The following HSF2BP variants were observed in gnomAD, a reference collection of about 807,000 sequenced individuals.
The protein encoded by HSF2BP is heat shock transcription factor 2 binding protein, also known as heat shock factor 2-binding protein.
A neutral mutation model predicts 35.0 loss-of-function variants in HSF2BP; 35 were observed. The observed-to-expected ratio is 1.00, with a 90% CI of 0.76 to 1.32. The LOEUF is 1.32. Ranked by LOEUF, HSF2BP falls within the 40% of genes most tolerant of loss-of-function variation. The pLI is 0.00. For synonymous variants in HSF2BP, 114 were observed against 117.4 expected, an observed-to-expected ratio of 0.97 and a Z score of 0.18; for missense variants, 326 against 321.7, an observed-to-expected ratio of 1.01 and a Z score of -0.10.
At chr21:43,581,113 G>T (rs1433007137) in intron 8 of HSF2BP, among the ~76,000 whole-genome samples, 3 of 152,214 alleles carry the variant, frequency 2.0e-5, no homozygotes, top group African/African-American at 7.2e-5. Context: ...GCAGCCGGAC[G>T]CAGTGGTTCA....
intron 3 of HSF2BP, among the ~76,000 whole-genome samples, chr21:43,645,412 G>A (rs1265967270): frequency 6.6e-6 from 1 of 152,122 alleles, no homozygotes; most frequent in Non-Finnish European, 1.5e-5. Context: ...ACTTCTGGGC[G>A]ATAACCTGGT....
At chr21:43,607,892 A>G (rs1309930922) in intron 7 of HSF2BP, among the ~76,000 whole-genome samples, 2 of 152,252 alleles carry the variant, frequency 1.3e-5, no homozygotes, top group Non-Finnish European at 1.5e-5. Flanking sequence ...ATAGCTAACC[A>G]TATGTAAACG....
intron 7 of HSF2BP, among the ~76,000 whole-genome samples, chr21:43,595,347 G>C (rs930249898): frequency 6.6e-6 from 1 of 152,120 alleles, no homozygotes; most frequent in Non-Finnish European, 1.5e-5. Context: ...AGAGAAGGCT[G>C]AGGTAGCTAC....
intron 6 of HSF2BP, among the ~76,000 whole-genome samples, chr21:43,626,826 C>T (rs138356986): frequency 1.3e-5 from 2 of 152,108 alleles, no homozygotes; most frequent in African/African-American, 4.8e-5. Flanking sequence ...CAAAGAGCCT[C>T]AATACTCACT....
chr21:43,607,802 A>T (rs997475100), intron 7 of HSF2BP, among the ~76,000 whole-genome samples: 3 of 152,224 alleles, frequency 2.0e-5, no homozygotes, highest in African/African-American at 7.2e-5. Flanking sequence ...GCACACATAC[A>T]GCCAATTGAC....
At chr21:43,657,666 G>A (rs1019883168) in intron 2 of HSF2BP, among the ~76,000 whole-genome samples, 1 of 152,252 alleles carries the variant, frequency 6.6e-6, no homozygotes. Context: ...ATCAGTTACA[G>A]TTATAAAATC....
At chr21:43,496,029 A>G in the HSF2BP span, among the ~76,000 whole-genome samples, 1 of 131,980 alleles carries the variant, frequency 7.6e-6, no homozygotes, top group African/African-American at 2.8e-5. Context: ...ACACACACAC[A>G]CACACACACA....
intron 8 of HSF2BP, among the ~76,000 whole-genome samples, chr21:43,581,839 C>G (rs1182805943): frequency 6.6e-6 from 1 of 150,876 alleles, no homozygotes; most frequent in Non-Finnish European, 1.5e-5. Flanking sequence ...TGAGGGCCTG[C>G]TGAGGGAGAT....
chr21:43,632,419 C>CCA (rs1343430237), intron 5 of HSF2BP, among the ~76,000 whole-genome samples: 6 of 137,104 alleles, frequency 4.4e-5, no homozygotes, highest in Non-Finnish European at 6.3e-5. Flanking sequence ...ACACATGCTC[C>CCA]CACACACACA....
intron 8 of HSF2BP, among the ~76,000 whole-genome samples, chr21:43,583,044 A>T (rs2081779951): frequency 5.9e-5 from 1 of 17,034 alleles, no homozygotes; most frequent in Non-Finnish European, 9.1e-5. Context: ...GAGGGAGATG[A>T]GGACCTGCTG....
At chr21:43,644,168 A>G in intron 4 of HSF2BP, 121 bp downstream of exon 4, 1 of 668,970 alleles carries the variant, frequency 1.5e-6, no homozygotes, top group South Asian at 1.9e-5. Context: ...ACATACATTT[A>G]CAAATACAAT....
intron 7 of HSF2BP, among the ~76,000 whole-genome samples, chr21:43,605,075 G>A (rs1471928198): frequency 8.6e-6 from 1 of 116,410 alleles, no homozygotes; most frequent in African/African-American, 3.4e-5. Context: ...CACATCACAC[G>A]TACCACATAA....
Position 43,595,726 on chromosome 21 carries a change from A to ATTTTTTTTTTTTTTTTTTTTT in HSF2BP, c.693-3419_693-3399dup, listed in dbSNP as rs770855952. Among the ~76,000 whole-genome samples, 15 of 58,448 alleles carry ATTTTTTTTTTTTTTTTTTTTT rather than the reference A, an allele frequency of 2.6e-4. 4 individuals carry two copies. Among genetic ancestry groups the ATTTTTTTTTTTTTTTTTTTTT allele is most frequent in the Non-Finnish European group, 3.1e-4 (10 of 32,408 alleles). 38.3% of individuals were successfully genotyped at this position (58,448 alleles called of 152,430 possible). On this transcript the variant is annotated intron_variant, in intron 7 of 8. Transcript: ENST00000291560. Reference sequence around the variant, plus strand: ...AGCATCTTTAAAAATTAAGAGGCTAATTTTTTTTTTTTTTTTTTTTTTTTT... The same window carrying ATTTTTTTTTTTTTTTTTTTTT: ...AGCATCTTTAAAAATTAAGAGGCTAATTTTTTTTTTTTTTTTTTTTTTTTTTTTTTTTTTTTTTTTTTTTTT...
chr21:43,589,308 C>T (rs1350972922), intron 8 of HSF2BP, among the ~76,000 whole-genome samples: 12 of 152,190 alleles, frequency 7.9e-5, no homozygotes, highest in Admixed American at 2.0e-4. Flanking sequence ...AGGTCAGTTC[C>T]TCTGCTCTTA....
rs1032833578 is a variant in HSF2BP, at chr21:43,659,235, T to A, written c.-225+151A>T. Among the ~76,000 whole-genome samples the A allele has an allele frequency of 6.6e-6, 1 of 152,062 alleles. No individual in the cohort carries two copies. Among genetic ancestry groups the A allele is most frequent in the Non-Finnish European group, 1.5e-5 (1 of 68,004 alleles). On this transcript the variant is annotated intron_variant, in intron 1 of 8. Transcript: ENST00000291560. The surrounding 1 kb of genome is among the most constrained non-coding windows in gnomAD (Gnocchi z 4.2). ...TCGATCGAGTCTGGGAGGTCGAGGCTGCAGTGAGCCAGGATCACCGCCAAG... is the reference window on the plus strand; with the variant it reads ...TCGATCGAGTCTGGGAGGTCGAGGCAGCAGTGAGCCAGGATCACCGCCAAG...
intron 7 of HSF2BP, among the ~76,000 whole-genome samples, chr21:43,595,818 G>T (rs1005383798): frequency 8.2e-6 from 1 of 122,266 alleles, no homozygotes; most frequent in Non-Finnish European, 1.6e-5. Flanking sequence ...TCCGCCTCCT[G>T]GGTTCAAGTG....
chr21:43,614,430 T>G (rs2082246652), intron 6 of HSF2BP, among the ~76,000 whole-genome samples: 1 of 150,186 alleles, frequency 6.7e-6, no homozygotes, highest in Non-Finnish European at 1.5e-5. Context: ...ACCACAAGAG[T>G]TACTGAAATA....
In HSF2BP at chr21:43,630,545, T is replaced by A; in HGVS notation, c.442-91A>T. 3 of 1,401,642 alleles carry A rather than the reference T, an allele frequency of 2.1e-6. No homozygotes were observed. In the South Asian group the frequency reaches 4.5e-5, roughly 21 times the overall value. 86.8% of individuals were successfully genotyped at this position (1,401,642 alleles called of 1,614,324 possible). ...TGCAGGATACAGAAGATTCTAGTTT[T>A]AATTGTAGAATATTGTAAAATCTAT... On this transcript the variant is annotated intron_variant, in intron 5 of 8. Coordinates refer to ENST00000291560, the MANE Select transcript of HSF2BP (RefSeq NM_007031.2).
intron 6 of HSF2BP, among the ~76,000 whole-genome samples, chr21:43,615,942 C>T (rs989994947): frequency 6.6e-6 from 1 of 151,672 alleles, no homozygotes; most frequent in Non-Finnish European, 1.5e-5. Context: ...CCTGACCAAA[C>T]TGTAGACCCA....
Sources: gnomAD v4.1 joint callset for allele counts (sites outside exome capture counted in the v4.1 genomes callset) on GRCh38, gnomAD v4.1.1 for gene constraint, Gnocchi (gnomAD v3.1) non-coding constraint, MANE v1.5 for transcripts, NCBI Gene and HGNC (gene_info 2026-07-23, HGNC 2026-07-21) for gene names.